The following CSMD1 variants were observed in gnomAD, a reference collection of about 807,000 sequenced individuals.
CSMD1 encodes the protein CUB and sushi domain-containing protein 1.
In CSMD1, 213 loss-of-function variants were observed where a neutral mutation model predicts 417.5. The observed-to-expected ratio is 0.51, with a 90% CI of 0.46 to 0.57. The LOEUF is 0.57. Among genes scored for constraint, CSMD1 ranks in the 20% least tolerant of loss-of-function variants. CSMD1 has a pLI of 0.00. For missense variants in CSMD1, 6,923 were observed against 4,529.7 expected (o/e 1.53, Z -15.17); for synonymous variants, 2,862 against 1,736.8 (o/e 1.65, Z -16.11).
At chr8:3,544,418 G>T (rs1158659485) in intron 10 of CSMD1, among the ~76,000 whole-genome samples, 1 of 152,032 alleles carries the variant, frequency 6.6e-6, no homozygotes, top group South Asian at 2.1e-4. Flanking sequence ...CATTTTACCT[G>T]GGATGGAGGC....
chr8:4,239,861 AAAAC>A (rs1410290726), intron 3 of CSMD1, among the ~76,000 whole-genome samples: 1 of 152,226 alleles, frequency 6.6e-6, no homozygotes, highest in Non-Finnish European at 1.5e-5. Context: ...AATATAGTGA[AAAAC>A]AAAGTATCCT....
intron 26 of CSMD1, among the ~76,000 whole-genome samples, chr8:3,245,591 T>G (rs184692124): frequency 1.2e-4 from 18 of 152,320 alleles, no homozygotes; most frequent in Admixed American, 1.2e-3. Flanking sequence ...GTAGCGCCCA[T>G]GCCTACCCCT....
intron 5 of CSMD1, among the ~76,000 whole-genome samples, chr8:3,900,200 G>C (rs13251994): frequency 0.52 from 78,901 of 150,494 alleles, 23,256 homozygotes; most frequent in Admixed American, 0.67. Context: ...CAGTGCAGCT[G>C]GGTGACAGTG....
chr8:3,309,607 A>T lies in CSMD1; in HGVS notation c.3632-1104T>A, dbSNP rs139932296. On this transcript the variant is annotated intron_variant, in intron 23 of 69. Transcript: ENST00000635120. ...CATATTTCTATTCATATCATGATGC[A>T]AATTTTGACAATTGTAAAAGGGAGA... Among the ~76,000 whole-genome samples, 194 of 145,548 alleles carry T rather than the reference A, an allele frequency of 1.3e-3. 1 individual carries two copies. In the South Asian group the frequency reaches 0.02, roughly 15 times the overall value.
chr8:4,530,096 G>A (rs1358536325), intron 2 of CSMD1, among the ~76,000 whole-genome samples: 1 of 151,322 alleles, frequency 6.6e-6, no homozygotes, highest in East Asian at 2.0e-4. Context: ...TTGTATTTTA[G>A]TAGATACGGG....
intron 5 of CSMD1, among the ~76,000 whole-genome samples, chr8:3,965,430 A>G (rs1173614437): frequency 2.0e-5 from 3 of 152,182 alleles, no homozygotes; most frequent in Non-Finnish European, 1.5e-5. Flanking sequence ...GGCCTTCGGA[A>G]AAAGGGTAGA....
chr8:4,725,648 C>T (rs1809381760), intron 1 of CSMD1, among the ~76,000 whole-genome samples: 1 of 152,150 alleles, frequency 6.6e-6, no homozygotes, highest in Non-Finnish European at 1.5e-5. Context: ...CTCATCCTTT[C>T]AGAATCTGCA....
chr8:3,956,230 G>C lies in CSMD1; in HGVS notation c.818+41673C>G, dbSNP rs1032712122. On this transcript the variant is annotated intron_variant, in intron 5 of 69. Transcript: ENST00000635120. ...TAGATAGCATATAATGTGCCAGGTG[G>C]TGTTGTTAACTTTTTCACAAATTAA... Among the ~76,000 whole-genome samples the C allele has an allele frequency of 5.1e-4, 78 of 152,326 alleles. 2 individuals carry two copies. The highest frequency in any genetic ancestry group is 4.4e-3 in the Admixed American group (68 of 15,300).
At chr8:3,981,500 TA>T (rs200296436) in intron 5 of CSMD1, among the ~76,000 whole-genome samples, 2,481 of 114,750 alleles carry the variant, frequency 0.022, 50 homozygotes, top group Admixed American at 0.089. Flanking sequence ...TAGAAAAAAG[TA>T]AAAAAAAAAA....
intron 2 of CSMD1, among the ~76,000 whole-genome samples, chr8:4,494,313 A>C (rs1801870182): frequency 6.6e-6 from 1 of 152,216 alleles, no homozygotes; most frequent in Non-Finnish European, 1.5e-5. Flanking sequence ...GTAGGTTAGT[A>C]GTTATTTTCA....
At chr8:4,449,730 G>A (rs890155726) in intron 2 of CSMD1, among the ~76,000 whole-genome samples, 2 of 152,150 alleles carry the variant, frequency 1.3e-5, no homozygotes, top group African/African-American at 2.4e-5. Context: ...CCAGAATAGG[G>A]TCGGGTGTAG....
rs1401609165 is a variant in CSMD1, at chr8:4,830,563, TA to T, written c.85+163768del. ...GTTTGTGTGTCAAGAGGAGACATCA[TA>T]AGCCATTACAAATTAGATAGATGAC... On this transcript the variant is annotated intron_variant, in intron 1 of 69. Transcript: ENST00000635120. 2.6e-5 allele frequency among the ~76,000 whole-genome samples: 4 copies of T among 152,332 alleles called. No individual in the cohort carries two copies. In the East Asian group the frequency reaches 7.7e-4, roughly 29 times the overall value.
intron 11 of CSMD1, among the ~76,000 whole-genome samples, chr8:3,482,396 T>G (rs1481780970): frequency 6.6e-6 from 1 of 151,982 alleles, no homozygotes; most frequent in Non-Finnish European, 1.5e-5. Flanking sequence ...CAAAGTAGAC[T>G]TAAGGCAAAT....
At chr8:4,397,699 GATTTCAAATTAACTAGATTTGA>G (rs1804348434) in intron 3 of CSMD1, among the ~76,000 whole-genome samples, 1 of 151,784 alleles carries the variant, frequency 6.6e-6, no homozygotes, top group South Asian at 2.1e-4. Context: ...ATATTAATAA[GATTTCAAATTAACTAGATTTGA>G]ATCTCAAAAT....
At chr8:3,918,415 G>A (rs1422009220) in intron 5 of CSMD1, among the ~76,000 whole-genome samples, 1 of 151,924 alleles carries the variant, frequency 6.6e-6, no homozygotes, top group Non-Finnish European at 1.5e-5. Context: ...ATATTCTTGT[G>A]GTTTTGATTT....
chr8:3,922,655 A>T (rs1392697543), intron 5 of CSMD1, among the ~76,000 whole-genome samples: 1 of 152,202 alleles, frequency 6.6e-6, no homozygotes, highest in African/African-American at 2.4e-5. Flanking sequence ...ACATAAAAAT[A>T]ACTTTTAATT....
intron 3 of CSMD1, among the ~76,000 whole-genome samples, chr8:4,263,793 C>T (rs1395647519): frequency 6.6e-6 from 1 of 152,162 alleles, no homozygotes; most frequent in Non-Finnish European, 1.5e-5. Flanking sequence ...CCAATTGTGA[C>T]TGGCTCACCT....
At position 3,110,271 on chromosome 8, in the gene CSMD1, C is replaced by G; in HGVS notation, c.6495G>C (p.Glu2165Asp). ...GTIYSPGFPD[E>D]YPILKDCIWL... ...AAATGCAGTCCTTCAGGATCGGATACTCATCAGGAAAGCCAGGGGAGTAGA... is the reference window on the plus strand; with the variant it reads ...AAATGCAGTCCTTCAGGATCGGATAGTCATCAGGAAAGCCAGGGGAGTAGA... Residue 2165 changes from glutamate (E) to aspartate (D), a missense_variant, in exon 43 of 70, where the codon GAG (glutamate) becomes GAC (aspartate). Coordinates refer to ENST00000635120, the MANE Select transcript of CSMD1 (RefSeq NM_033225.6). 6.2e-7 allele frequency: 1 copy of G among 1,613,544 alleles called. No homozygotes were observed. The highest frequency in any genetic ancestry group is 8.5e-7 in the Non-Finnish European group (1 of 1,179,726).
At chr8:3,154,585 G>A (rs1314794569) in intron 39 of CSMD1, among the ~76,000 whole-genome samples, 2 of 152,172 alleles carry the variant, frequency 1.3e-5, no homozygotes, top group African/African-American at 4.8e-5. Context: ...GAAGGACACA[G>A]ACACACCATG....
Sources: allele counts gnomAD v4.1 joint callset (sites outside exome capture counted in the v4.1 genomes callset), GRCh38; gene constraint gnomAD v4.1.1; transcripts MANE v1.5; gene names NCBI Gene and HGNC (gene_info 2026-07-23, HGNC 2026-07-21).